The following RAB8B variants were observed in gnomAD, a reference collection of about 807,000 sequenced individuals.
RAB8B encodes ras-related protein Rab-8B.
In RAB8B, 11 loss-of-function variants were observed where a neutral mutation model predicts 32.0. The observed-to-expected ratio is 0.34, with a 90% CI of 0.22 to 0.57. The LOEUF (loss-of-function observed/expected upper bound fraction) is 0.57. RAB8B is among the 20% of genes least tolerant of loss of function. The probability of loss-of-function intolerance (pLI) is 0.86; values close to 1 mark genes in which losing one functional copy is unlikely to be tolerated. For missense variants in RAB8B, 190 were observed against 258.5 expected, an observed-to-expected ratio of 0.73 and a Z score of 1.82; for synonymous variants, 103 against 89.6, an observed-to-expected ratio of 1.15 and a Z score of -0.85.
At chr15:63,240,806 C>CAAAAA (rs11312318) in intron 1 of RAB8B, among the ~76,000 whole-genome samples, 6 of 113,764 alleles carry the variant, frequency 5.3e-5, no homozygotes, top group Admixed American at 9.2e-5. Flanking sequence ...ATGTTCCTAA[C>CAAAAA]AAAAAAAAAA....
chr15:63,256,662 T>C (rs2038161251), intron 5 of RAB8B, 68 bp downstream of exon 5: 1 of 1,166,616 alleles, frequency 8.6e-7, no homozygotes, highest in Admixed American at 2.6e-5. Flanking sequence ...CTTCATATTA[T>C]TTAATTATTG....
intron 4 of RAB8B, among the ~76,000 whole-genome samples, chr15:63,255,933 C>T (rs934835413): frequency 1.3e-5 from 2 of 152,240 alleles, no homozygotes; most frequent in Non-Finnish European, 2.9e-5. Flanking sequence ...TGGTTCCCAG[C>T]TTCTATCCCA....
At chr15:63,231,462 C>G (rs187510708) in intron 1 of RAB8B, among the ~76,000 whole-genome samples, 22 of 149,558 alleles carry the variant, frequency 1.5e-4, no homozygotes, top group African/African-American at 5.4e-4. Context: ...ATAGCAATAG[C>G]GCCTTAGTAC....
At chr15:63,228,356 T>A (rs1053787773) in intron 1 of RAB8B, among the ~76,000 whole-genome samples, 1 of 152,216 alleles carries the variant, frequency 6.6e-6, no homozygotes, top group Non-Finnish European at 1.5e-5. Context: ...TGCTGCCCTC[T>A]CCTGTTTTAC....
chr15:63,229,293 A>C (rs906946936), intron 1 of RAB8B, among the ~76,000 whole-genome samples: 2 of 152,252 alleles, frequency 1.3e-5, no homozygotes, highest in African/African-American at 4.8e-5. Context: ...ATTCTGCTAT[A>C]GAAATAAAGG....
chr15:63,200,246 G>T (rs1371931459), intron 1 of RAB8B, among the ~76,000 whole-genome samples: 1 of 152,164 alleles, frequency 6.6e-6, no homozygotes, highest in Non-Finnish European at 1.5e-5. Context: ...GTGTTTTGAT[G>T]ACATGAAGAC....
At position 63,262,737 on chromosome 15, in the gene RAB8B, A is replaced by G; in HGVS notation, c.526A>G (p.Lys176Glu). ...AGATATAATGACAAAACTCAACAGA[A>G]AAATGGTTTGTATCACTTATAATTT... ...ARDIMTKLNRKMNDSNSAGAG... is the reference protein window; with the variant it reads ...ARDIMTKLNREMNDSNSAGAG... Residue 176 changes from lysine (K) to glutamate (E), a missense_variant, in exon 7 of 8, where the codon AAA becomes GAA. Lys to Glu is a moderately conservative substitution (Grantham distance 56). Coordinates refer to ENST00000321437, the MANE Select transcript of RAB8B (RefSeq NM_016530.3). 1 of 1,452,844 alleles carries G rather than the reference A, an allele frequency of 6.9e-7. No individual in the cohort carries two copies. The highest frequency in any genetic ancestry group is 9.1e-7 in the Non-Finnish European group (1 of 1,096,800). 90.0% of individuals were successfully genotyped at this position (1,452,844 alleles called of 1,614,324 possible).
At chr15:63,240,658 A>C (rs1457804061) in intron 1 of RAB8B, among the ~76,000 whole-genome samples, 1 of 151,936 alleles carries the variant, frequency 6.6e-6, no homozygotes, top group Non-Finnish European at 1.5e-5. Flanking sequence ...GTTGTCTGTC[A>C]GTTGGCCCTT....
intron 1 of RAB8B, among the ~76,000 whole-genome samples, chr15:63,214,666 A>G (rs2037777122): frequency 6.6e-6 from 1 of 152,044 alleles, no homozygotes; most frequent in South Asian, 2.1e-4. Context: ...AAGCTTTTCC[A>G]TCTGACAGTG....
chr15:63,255,858 A>G (rs1595750576), intron 4 of RAB8B, among the ~76,000 whole-genome samples: 4 of 152,366 alleles, frequency 2.6e-5, no homozygotes, highest in Admixed American at 2.6e-4. Flanking sequence ...ATAACTGAGA[A>G]CAGAAAGAAG....
At chr15:63,213,717 C>T (rs939614988) in intron 1 of RAB8B, among the ~76,000 whole-genome samples, 1 of 152,104 alleles carries the variant, frequency 6.6e-6, no homozygotes, top group African/African-American at 2.4e-5. Flanking sequence ...TGAGTAAATT[C>T]TGTCTTCCAA....
chr15:63,260,220 A>G (rs1430468649), intron 6 of RAB8B, among the ~76,000 whole-genome samples: 2 of 152,208 alleles, frequency 1.3e-5, no homozygotes, highest in Non-Finnish European at 2.9e-5. Context: ...GTTAAGATTC[A>G]CAGAATAGAT....
intron 1 of RAB8B, among the ~76,000 whole-genome samples, chr15:63,205,522 A>G (rs2037691048): frequency 6.6e-6 from 1 of 151,702 alleles, no homozygotes; most frequent in Non-Finnish European, 1.5e-5. Context: ...AAAAATACTC[A>G]CACACACACG....
rs868470043 is a variant in RAB8B at position 63,233,055 on chromosome 15, C to T, written c.125-11701C>T. Among the ~76,000 whole-genome samples the T allele has an allele frequency of 4.2e-4, 59 of 141,528 alleles. 1 individual carries two copies. Among genetic ancestry groups the T allele is most frequent in the Non-Finnish European group, 7.5e-4 (49 of 65,630 alleles). The allele number at this position is 141,528 out of a possible 152,430, so 92.8% of individuals were successfully genotyped here. On this transcript the variant is annotated intron_variant, in intron 1 of 7. Transcript: ENST00000321437. Reference sequence around the variant, plus strand: ...CTTTTTTTTCAATCTAAGTAGCATTCTTTTTTTTTTTCTTTTTTGTTGAGA... The same window carrying T: ...CTTTTTTTTCAATCTAAGTAGCATTTTTTTTTTTTTTCTTTTTTGTTGAGA...
intron 1 of RAB8B, among the ~76,000 whole-genome samples, chr15:63,206,147 G>C (rs1378597952): frequency 6.6e-6 from 1 of 152,204 alleles, no homozygotes; most frequent in African/African-American, 2.4e-5. Flanking sequence ...CAAAGGATGT[G>C]TAATTATCAC....
At chr15:63,251,341 AG>A in intron 3 of RAB8B, 1 of 455,884 alleles carries the variant, frequency 2.2e-6, no homozygotes, top group South Asian at 1.6e-5. Flanking sequence ...AATAGTTTAC[AG>A]GTAATTCTGA....
intron 1 of RAB8B, among the ~76,000 whole-genome samples, chr15:63,216,200 TTTAA>T (rs146727821): frequency 0.87 from 115,662 of 133,278 alleles, 50,948 homozygotes; most frequent in Non-Finnish European, 0.94. Context: ...CAACTTTTAC[TTTAA>T]TTAATTAATT....
At position 63,264,433 on chromosome 15, in the gene RAB8B, C is replaced by T. The variant is rs1449617571; in HGVS notation, c.*814C>T. On this transcript the variant is annotated 3_prime_UTR_variant, in exon 8 of 8. Transcript: ENST00000321437. ...ATTATTATCTGTTTCTATTTGTGAA[C>T]TTCTTGAGCTGAAATTTTACGTGGG... 2 of 152,160 alleles carry T rather than the reference C, an allele frequency of 1.3e-5. No individual in the cohort carries two copies. Among genetic ancestry groups the T allele is most frequent in the Non-Finnish European group, 2.9e-5 (2 of 68,030 alleles). 9.4% of individuals were successfully genotyped at this position (152,160 alleles called of 1,614,324 possible). A position where few individuals can be genotyped will look rare whatever the true frequency, so the allele number is the denominator to read the frequency against.
chr15:63,197,730 C>T (rs556437083), intron 1 of RAB8B, among the ~76,000 whole-genome samples: 4 of 152,062 alleles, frequency 2.6e-5, no homozygotes, highest in Non-Finnish European at 5.9e-5. Context: ...GAGGAATATG[C>T]AAAGCTGGGA....
Sources: allele counts gnomAD v4.1 joint callset (sites outside exome capture counted in the v4.1 genomes callset), GRCh38; gene constraint gnomAD v4.1.1; transcripts MANE v1.5; gene names NCBI Gene and HGNC (gene_info 2026-07-23, HGNC 2026-07-21).